The following CRB1 variants were observed in gnomAD, a reference collection of about 807,000 sequenced individuals.
The protein encoded by CRB1 is crumbs cell polarity complex component 1, also known as protein crumbs homolog 1.
A neutral mutation model predicts 120.0 loss-of-function variants in CRB1; 83 were observed. The observed-to-expected ratio is 0.69, with a 90% CI of 0.58 to 0.83. CRB1 has a LOEUF of 0.83. Among genes scored for constraint, CRB1 ranks in the 40% least tolerant of loss-of-function variants. CRB1 has a pLI of 0.00. For synonymous variants in CRB1, 625 were observed against 612.5 expected, an observed-to-expected ratio of 1.02 and a Z score of -0.30; for missense variants, 1,699 against 1,687.6, an observed-to-expected ratio of 1.01 and a Z score of -0.12.
chr1:197,243,629 G>A, the CRB1 span, among the ~76,000 whole-genome samples: 2 of 151,988 alleles, frequency 1.3e-5, no homozygotes, highest in Non-Finnish European at 2.9e-5. Context: ...TGATATGGTG[G>A]TGGGAAAAAT....
chr1:197,421,112 T>C lies in CRB1; in HGVS notation c.1284T>C (p.Leu428=), dbSNP rs542688062. The change falls in exon 6 of 12, where the codon CTT becomes CTC. Residue 428 remains leucine (L), a synonymous_variant. Transcript: ENST00000367400. ...CTTGCCATTGCCCATTTGATAACCT[T>C]TCTAGAACTTTTTATGGAGGAAGGG... ...NYTCHCPFDN[L]SRTFYGGRDC... 3.1e-6 allele frequency: 5 copies of C among 1,614,198 alleles called. No individual in the cohort carries two copies. Among genetic ancestry groups the C allele is most frequent in the South Asian group, 1.1e-5 (1 of 91,084 alleles).
chr1:197,407,641 C>A (rs1663483844), intron 5 of CRB1, among the ~76,000 whole-genome samples: 2 of 152,152 alleles, frequency 1.3e-5, no homozygotes, highest in Non-Finnish European at 2.9e-5. Flanking sequence ...ATGCAGCTAT[C>A]TGAGCCCGAT....
intron 1 of CRB1, among the ~76,000 whole-genome samples, chr1:197,286,625 C>T (rs1655840972): frequency 6.6e-6 from 1 of 151,872 alleles, no homozygotes; most frequent in South Asian, 2.1e-4. Context: ...TTTTGAAATA[C>T]ATTTGCACAG....
In CRB1 at chr1:197,328,583, C is replaced by A; in HGVS notation, c.232C>A (p.Pro78Thr). 1.2e-6 allele frequency: 2 copies of A among 1,614,220 alleles called. No individual in the cohort carries two copies. Among genetic ancestry groups the A allele is most frequent in the Non-Finnish European group, 8.5e-7 (1 of 1,180,040 alleles). Residue 78 changes from proline to threonine, a missense_variant, in exon 2 of 12, where the codon CCC becomes ACC. Coordinates refer to ENST00000367400, the MANE Select transcript of CRB1 (RefSeq NM_201253.3). Reference sequence around the variant, plus strand: ...CATGAAAGACCCTTGCTTCTCCAATCCCTGTCAAGGAAGTGCCACTTGTGT... The same window carrying A: ...CATGAAAGACCCTTGCTTCTCCAATACCTGTCAAGGAAGTGCCACTTGTGT... ...DNMKDPCFSN[P>T]CQGSATCVNT... is the part of the protein sequence containing the mutation.
At chr1:197,375,600 A>T (rs1196828601) in intron 5 of CRB1, among the ~76,000 whole-genome samples, 1 of 152,004 alleles carries the variant, frequency 6.6e-6, no homozygotes, top group African/African-American at 2.4e-5. Flanking sequence ...TCTATCTGTC[A>T]CTCATTTACT....
chr1:197,235,561 A>G, the CRB1 span, among the ~76,000 whole-genome samples: 1 of 152,176 alleles, frequency 6.6e-6, no homozygotes, highest in Non-Finnish European at 1.5e-5. Context: ...GCTGCCAAAT[A>G]TCAGTCATAT....
intron 1 of CRB1, among the ~76,000 whole-genome samples, chr1:197,319,259 TAAA>T (rs1284967148): frequency 6.1e-5 from 3 of 49,064 alleles, no homozygotes; most frequent in Admixed American, 3.1e-4. Context: ...CTGTCTCTAC[TAAA>T]AAAAAAAAAA....
At chr1:197,462,913 T>C (rs950711706) in intron 11 of CRB1, among the ~76,000 whole-genome samples, 1 of 150,438 alleles carries the variant, frequency 6.6e-6, no homozygotes, top group African/African-American at 2.4e-5. Context: ...TCACCATTAA[T>C]ATTTACAGTT....
In CRB1 at chr1:197,467,771, C is replaced by T. The variant is rs75166765; in HGVS notation, c.4006-9893C>T. 7.3e-4 allele frequency among the ~76,000 whole-genome samples: 111 copies of T among 152,160 alleles called. No individual in the cohort carries two copies. The East Asian group carries it at 0.02, about 27-fold the overall frequency. On this transcript the variant is annotated intron_variant, in intron 11 of 11. Coordinates refer to ENST00000367400, the MANE Select transcript of CRB1 (RefSeq NM_201253.3). The stretch of plus-strand genomic sequence containing the variant: ...ACACTACAAAATGCAAGTTAGTAGA[C>T]GACCCAGCAGATACATAAAAAGGGA...
At chr1:197,213,339 A>T in the CRB1 span, among the ~76,000 whole-genome samples, 1 of 152,186 alleles carries the variant, frequency 6.6e-6, no homozygotes, top group African/African-American at 2.4e-5. Flanking sequence ...GCAAGAAGAA[A>T]GAGTCACAAA....
At chr1:197,368,699 T>A (rs1571410716) in intron 5 of CRB1, among the ~76,000 whole-genome samples, 1 of 152,196 alleles carries the variant, frequency 6.6e-6, no homozygotes, top group South Asian at 2.1e-4. Context: ...TGTCTCAGGT[T>A]GGCATTCCTC....
rs182939378 is a variant in CRB1 at position 197,409,265 on chromosome 1, G to A, written c.1172-11735G>A. ...ATATACAAAATAAGTTACCAACATA[G>A]TAACACCACATTTTTCTGATATTAA... On this transcript the variant is annotated intron_variant, in intron 5 of 11. Coordinates refer to ENST00000367400, the MANE Select transcript of CRB1 (RefSeq NM_201253.3). 3.3e-5 allele frequency among the ~76,000 whole-genome samples: 5 copies of A among 152,236 alleles called. No homozygotes were observed. The East Asian group carries it at 9.6e-4, about 29-fold the overall frequency.
the CRB1 span, among the ~76,000 whole-genome samples, chr1:197,259,979 T>C: frequency 6.8e-6 from 1 of 146,148 alleles, no homozygotes; most frequent in South Asian, 2.2e-4. Context: ...TGAGGCCCCA[T>C]GTCTAAAAAA....
At chr1:197,243,236 CT>C in the CRB1 span, among the ~76,000 whole-genome samples, 1 of 152,062 alleles carries the variant, frequency 6.6e-6, no homozygotes, top group African/African-American at 2.4e-5. Flanking sequence ...TTTGTTTGCT[CT>C]TGCTTCTCTA....
At position 197,438,695 on chromosome 1, in the gene CRB1, T is replaced by G. The variant is rs773894869; in HGVS notation, c.3878+20T>G. 4 of 1,610,742 alleles carry G rather than the reference T, an allele frequency of 2.5e-6. No homozygotes were observed. The highest frequency in any genetic ancestry group is 3.4e-6 in the Non-Finnish European group (4 of 1,177,494). ...AGAATGGTGAGTCACATTAGAGCCT[T>G]CTGGAAGAGAATTCTGAGCTAAAGA... On this transcript the variant is annotated intron_variant, in intron 10 of 11. Transcript: ENST00000367400.
At chr1:197,291,521 A>G (rs2125238141) in intron 1 of CRB1, among the ~76,000 whole-genome samples, 1 of 151,962 alleles carries the variant, frequency 6.6e-6, no homozygotes, top group Non-Finnish European at 1.5e-5. Context: ...CATTTGATTG[A>G]CTTTTATCTC....
At chr1:197,288,668 G>T (rs1001340094) in intron 1 of CRB1, among the ~76,000 whole-genome samples, 5 of 151,834 alleles carry the variant, frequency 3.3e-5, no homozygotes, top group African/African-American at 1.2e-4. Flanking sequence ...TATAGAGAAA[G>T]AATCTACAAG....
At chr1:197,239,056 T>C in the CRB1 span, among the ~76,000 whole-genome samples, 5 of 152,168 alleles carry the variant, frequency 3.3e-5, no homozygotes, top group African/African-American at 9.6e-5. Flanking sequence ...TCCATTTGCA[T>C]ATTCTATCAG....
the CRB1 span, among the ~76,000 whole-genome samples, chr1:197,233,025 G>A: frequency 6.6e-6 from 1 of 151,992 alleles, no homozygotes; most frequent in South Asian, 2.1e-4. Flanking sequence ...GGGCATACTT[G>A]ATAGTTGACA....
Sources: allele counts gnomAD v4.1 joint callset (sites outside exome capture counted in the v4.1 genomes callset), GRCh38; gene constraint gnomAD v4.1.1; transcripts MANE v1.5; gene names NCBI Gene and HGNC (gene_info 2026-07-23, HGNC 2026-07-21).